Variants in HPCAL1 observed in about 807,000 individuals in gnomAD.
HPCAL1 encodes the protein hippocalcin-like protein 1.
HPCAL1 carries 8 observed loss-of-function variants against 17.1 expected under a neutral mutation model. The ratio of observed to expected loss-of-function variants is 0.47; its 90% CI spans 0.27 to 0.84. The LOEUF (loss-of-function observed/expected upper bound fraction) is 0.84, where lower values mean the gene tolerates loss of function less well. HPCAL1 is among the 40% of genes least tolerant of loss of function. HPCAL1 has a pLI of 0.13. For synonymous variants in HPCAL1, 112 were observed against 111.4 expected, an observed-to-expected ratio of 1.01 and a Z score of -0.03; for missense variants, 165 against 271.1, an observed-to-expected ratio of 0.61 and a Z score of 2.75.
intron 1 of HPCAL1, among the ~76,000 whole-genome samples, chr2:10,339,849 G>C (rs1664961897): frequency 6.6e-6 from 1 of 152,214 alleles, no homozygotes; most frequent in Non-Finnish European, 1.5e-5. Context: ...AGGCTTGTGG[G>C]CCTCCTGGGG....
Position 10,427,193 on chromosome 2 carries a change from C to T in HPCAL1, c.*372C>T. Reference sequence around the variant, plus strand: ...CCATGCGTTTTGTGATCCCAAGTGACTCTGTGGGAAGGGTGGGGACGAGGC... The same window carrying T: ...CCATGCGTTTTGTGATCCCAAGTGATTCTGTGGGAAGGGTGGGGACGAGGC... On this transcript the variant is annotated 3_prime_UTR_variant, in exon 5 of 5. Coordinates refer to ENST00000307845, the MANE Select transcript of HPCAL1 (RefSeq NM_002149.4). 1 of 230,316 alleles carries T rather than the reference C, an allele frequency of 4.3e-6. No individual in the cohort carries two copies. Among genetic ancestry groups the T allele is most frequent in the Non-Finnish European group, 8.7e-6 (1 of 115,354 alleles). The allele number at this position is 230,316 out of a possible 1,614,324, so 14.3% of individuals were successfully genotyped here. A position where few individuals can be genotyped will look rare whatever the true frequency, so the allele number is the denominator to read the frequency against.
At chr2:10,426,476 C>T (rs779308259) in intron 4 of HPCAL1, 145 of 494,242 alleles carry the variant, frequency 2.9e-4, no homozygotes, top group African/African-American at 5.0e-4. Flanking sequence ...TCATCAGCCA[C>T]GTCCTGCTGA....
chr2:10,312,210 CAACATCCATCATCACTGTCATCACCAT>C (rs2125385301), intron 1 of HPCAL1, among the ~76,000 whole-genome samples: 1 of 25,698 alleles, frequency 3.9e-5, no homozygotes, highest in African/African-American at 1.1e-4. Context: ...CTGTCATCAT[CAACATCCATCATCACTGTCATCACCAT>C]CATCATCACT....
Position 10,342,968 on chromosome 2 carries a change from T to C in HPCAL1, c.-111+39791T>C, listed in dbSNP as rs549963086. Among the ~76,000 whole-genome samples the C allele has an allele frequency of 3.3e-5, 5 of 152,328 alleles. No individual in the cohort carries two copies. In the East Asian group the frequency reaches 9.7e-4, roughly 29 times the overall value. ...GGCTTTGGAGATGGCCAGTGCTGGTTTGAAGCTTCTGTCTTCTGTGTGGGA... is the reference window on the plus strand; with the variant it reads ...GGCTTTGGAGATGGCCAGTGCTGGTCTGAAGCTTCTGTCTTCTGTGTGGGA... On this transcript the variant is annotated intron_variant, in intron 1 of 4. Transcript: ENST00000307845. The surrounding 1 kb of genome is among the most constrained non-coding windows in gnomAD (Gnocchi z 4.1).
intron 1 of HPCAL1, among the ~76,000 whole-genome samples, chr2:10,338,281 A>G (rs1664843416): frequency 6.6e-6 from 1 of 152,084 alleles, no homozygotes; most frequent in East Asian, 1.9e-4. Flanking sequence ...GACCTGGTGA[A>G]TAATAAACTG....
chr2:10,417,379 A>C (rs1022199219), intron 2 of HPCAL1, among the ~76,000 whole-genome samples: 3 of 151,946 alleles, frequency 2.0e-5, no homozygotes, highest in African/African-American at 7.3e-5. Flanking sequence ...AAAACAAAAA[A>C]AAAAGTCCCC....
chr2:10,414,270 A>C (rs527876639), intron 2 of HPCAL1, among the ~76,000 whole-genome samples: 3 of 152,182 alleles, frequency 2.0e-5, no homozygotes, highest in Non-Finnish European at 4.4e-5. Context: ...TCAGTTCCCC[A>C]AGGGTGGCTG....
At chr2:10,333,504 G>A (rs1664515954) in intron 1 of HPCAL1, among the ~76,000 whole-genome samples, 2 of 152,152 alleles carry the variant, frequency 1.3e-5, no homozygotes, top group South Asian at 4.1e-4. Flanking sequence ...CCAGCCTCCT[G>A]TGGCCCAGCA....
At chr2:10,386,492 C>T (rs1474835446) in intron 1 of HPCAL1, among the ~76,000 whole-genome samples, 1 of 150,050 alleles carries the variant, frequency 6.7e-6, no homozygotes, top group Non-Finnish European at 1.5e-5. Context: ...GGAGAAAGAC[C>T]CCCCCCCAGG....
chr2:10,326,535 G>T (rs529410016), intron 1 of HPCAL1, among the ~76,000 whole-genome samples: 1 of 152,194 alleles, frequency 6.6e-6, no homozygotes, highest in Non-Finnish European at 1.5e-5. Context: ...CCTGCCTTCC[G>T]CTTCCGTGCC....
chr2:10,336,819 A>G (rs1664750660), intron 1 of HPCAL1, among the ~76,000 whole-genome samples: 1 of 152,202 alleles, frequency 6.6e-6, no homozygotes, highest in Admixed American at 6.5e-5. Context: ...ATCATAGCTC[A>G]CTGCAGCCCC....
intron 1 of HPCAL1, among the ~76,000 whole-genome samples, chr2:10,338,921 T>C (rs4669574): frequency 0.75 from 114,226 of 152,124 alleles, 44,346 homozygotes; most frequent in East Asian, 1. Context: ...ACTGCCTGCC[T>C]GCTACTGTAA....
chr2:10,345,732 T>C (rs1330858777), intron 1 of HPCAL1, among the ~76,000 whole-genome samples: 5 of 152,194 alleles, frequency 3.3e-5, no homozygotes, highest in Admixed American at 3.3e-4. Context: ...GCTAGGATTA[T>C]AGGCATAAGC....
intron 1 of HPCAL1, among the ~76,000 whole-genome samples, chr2:10,315,314 G>A (rs1316028915): frequency 6.6e-6 from 1 of 151,288 alleles, no homozygotes; most frequent in East Asian, 1.9e-4. Context: ...AAAGAATTAT[G>A]CAGACAGTTT....
At chr2:10,320,425 C>A (rs1663599396) in intron 1 of HPCAL1, among the ~76,000 whole-genome samples, 1 of 152,118 alleles carries the variant, frequency 6.6e-6, no homozygotes, top group East Asian at 1.9e-4. Flanking sequence ...GTGTGAAGCA[C>A]CTCCCCCTGC....
Position 10,359,192 on chromosome 2 carries a change from G to C in HPCAL1, c.-110-37643G>C, listed in dbSNP as rs111341719. 6.4e-4 allele frequency among the ~76,000 whole-genome samples: 97 copies of C among 152,292 alleles called. No homozygotes were observed. The highest frequency in any genetic ancestry group is 6.8e-3 in the Middle Eastern group (2 of 294). ...TCCCGTTTCACAGCCACAGTTTCCT[G>C]CTGTTTTCTGAAATTCCTGGTGGCC... On this transcript the variant is annotated intron_variant, in intron 1 of 4. Coordinates refer to ENST00000307845, the MANE Select transcript of HPCAL1 (RefSeq NM_002149.4). This position sits in a 1 kb window ranked among gnomAD's most constrained non-coding sequence, Gnocchi z 4.1.
At chr2:10,333,722 A>G (rs1309196719) in intron 1 of HPCAL1, among the ~76,000 whole-genome samples, 2 of 152,316 alleles carry the variant, frequency 1.3e-5, no homozygotes, top group Middle Eastern at 6.8e-3. Flanking sequence ...AGAGAAAAAA[A>G]TTCCCCCATA....
intron 1 of HPCAL1, among the ~76,000 whole-genome samples, chr2:10,371,405 C>T (rs1257032277): frequency 1.0e-4 from 11 of 108,004 alleles, no homozygotes; most frequent in African/African-American, 4.8e-4. Context: ...CTTTGAGGCC[C>T]CAGGTGTAGG....
intron 1 of HPCAL1, among the ~76,000 whole-genome samples, chr2:10,387,594 C>T (rs143430062): frequency 5.3e-5 from 8 of 152,314 alleles, no homozygotes; most frequent in South Asian, 2.1e-4. Flanking sequence ...CTTGCTCTTC[C>T]GGTATCATTA....
Sources: gnomAD v4.1 joint callset for allele counts (sites outside exome capture counted in the v4.1 genomes callset) on GRCh38, gnomAD v4.1.1 for gene constraint, Gnocchi (gnomAD v3.1) non-coding constraint, MANE v1.5 for transcripts, NCBI Gene and HGNC (gene_info 2026-07-23, HGNC 2026-07-21) for gene names.